The following TNNI3K variants were observed in gnomAD, a reference collection of about 807,000 sequenced individuals.
The protein encoded by TNNI3K is TNNI3 interacting kinase.
In TNNI3K, 140 loss-of-function variants were observed where a neutral mutation model predicts 114.5. That is an observed-to-expected ratio of 1.22 (90% CI 1.07 to 1.41). The LOEUF (loss-of-function observed/expected upper bound fraction) is 1.41. Among genes scored for constraint, TNNI3K ranks in the 40% most tolerant of loss-of-function variants. The pLI, the probability that TNNI3K is intolerant of heterozygous loss-of-function variation, is 0.00. For missense variants in TNNI3K, 1,125 were observed against 1,007.6 expected (o/e 1.12, Z -1.58); for synonymous variants, 347 against 347.5 (o/e 1.00, Z 0.02).
chr1:74,534,591 C>T (rs905220345), intron 23 of TNNI3K, among the ~76,000 whole-genome samples: 3 of 152,204 alleles, frequency 2.0e-5, no homozygotes, highest in Non-Finnish European at 4.4e-5. Flanking sequence ...GCACCAGAAT[C>T]TCCCAGTCTC....
At chr1:74,323,046 G>C (rs1380956307) in intron 5 of TNNI3K, among the ~76,000 whole-genome samples, 1 of 152,024 alleles carries the variant, frequency 6.6e-6, no homozygotes, top group Non-Finnish European at 1.5e-5. Context: ...TAATATATAA[G>C]ACTCTGCAAG....
chr1:74,527,823 T>C lies in TNNI3K; in HGVS notation c.2352-12411T>C, dbSNP rs78838052. 2.2e-4 allele frequency among the ~76,000 whole-genome samples: 34 copies of C among 152,304 alleles called. No homozygotes were observed. In the East Asian group the frequency reaches 5.6e-3, roughly 25 times the overall value. ...TTGGACAGGGCTGAGTAAGGTGGAC[T>C]TCCCCAATGGATATGGAGCAGAATG... On this transcript the variant is annotated intron_variant, in intron 23 of 24. Coordinates refer to ENST00000326637, the MANE Select transcript of TNNI3K (RefSeq NM_015978.3).
intron 21 of TNNI3K, among the ~76,000 whole-genome samples, chr1:74,488,602 T>C (rs888990967): frequency 3.3e-5 from 5 of 152,212 alleles, no homozygotes; most frequent in African/African-American, 1.2e-4. Context: ...GCTTGAAATA[T>C]ATTTGGAATA....
intron 23 of TNNI3K, among the ~76,000 whole-genome samples, chr1:74,495,873 G>C (rs1166891715): frequency 6.6e-6 from 1 of 152,162 alleles, no homozygotes; most frequent in African/African-American, 2.4e-5. Flanking sequence ...TCCCAAGCCT[G>C]CCTTTTCAGC....
chr1:74,297,522 C>CAT (rs1553128510), intron 5 of TNNI3K, among the ~76,000 whole-genome samples: 6,282 of 145,446 alleles, frequency 0.043, 152 homozygotes, highest in Non-Finnish European at 0.056. Flanking sequence ...TGTGTGTGTG[C>CAT]GTGTGTGTGT....
intron 21 of TNNI3K, among the ~76,000 whole-genome samples, chr1:74,479,902 A>G (rs1042780294): frequency 4.6e-5 from 7 of 152,252 alleles, no homozygotes; most frequent in South Asian, 2.1e-4. Flanking sequence ...AAGGTCACCA[A>G]TGCTATTTAT....
intron 20 of TNNI3K, among the ~76,000 whole-genome samples, chr1:74,458,881 T>C (rs1436886900): frequency 6.6e-6 from 1 of 152,174 alleles, no homozygotes; most frequent in African/African-American, 2.4e-5. Flanking sequence ...TAGTACCCAA[T>C]AGGTAGTTTT....
At chr1:74,345,835 G>A (rs1337250323) in intron 9 of TNNI3K, 1 of 152,168 alleles carries the variant, frequency 6.6e-6, no homozygotes, top group African/African-American at 2.4e-5. Context: ...TCATTACTAG[G>A]CATGCTAATT....
chr1:74,278,396 T>C (rs1402578255), intron 5 of TNNI3K, among the ~76,000 whole-genome samples: 2 of 152,170 alleles, frequency 1.3e-5, no homozygotes, highest in Non-Finnish European at 2.9e-5. Flanking sequence ...AACAGTAACC[T>C]CTCAGCTCAC....
rs901877792 is a variant in TNNI3K at position 74,477,169 on chromosome 1, A to G, written c.2122-12020A>G. 2.6e-5 allele frequency among the ~76,000 whole-genome samples: 4 copies of G among 152,182 alleles called. No homozygotes were observed. The East Asian group carries it at 7.7e-4, about 29-fold the overall frequency. On this transcript the variant is annotated intron_variant, in intron 21 of 24. Transcript: ENST00000326637. ...TTTTGGTTTTAAAATGTTAAAGAATATATTAAAAAATTAAAAATTAGAACC... is the reference window on the plus strand; with the variant it reads ...TTTTGGTTTTAAAATGTTAAAGAATGTATTAAAAAATTAAAAATTAGAACC...
chr1:74,244,461 AT>A (rs1654433851), intron 2 of TNNI3K, among the ~76,000 whole-genome samples: 1 of 151,982 alleles, frequency 6.6e-6, no homozygotes, highest in African/African-American at 2.4e-5. Flanking sequence ...TTTGCTTTCA[AT>A]TTTATTTATG....
In TNNI3K at chr1:74,381,309, T is replaced by C. The variant is rs115125626; in HGVS notation, c.1772+10917T>C. ...GTCCTTGGTCAATTTATTTAACATA[T>C]CAGTTTTCTAATTTCCAAGACGGTT... On this transcript the variant is annotated intron_variant, in intron 17 of 24. Coordinates refer to ENST00000326637, the MANE Select transcript of TNNI3K (RefSeq NM_015978.3). 7.5e-3 allele frequency among the ~76,000 whole-genome samples: 1,145 copies of C among 152,296 alleles called. 11 individuals are homozygous for C. Among genetic ancestry groups the C allele is most frequent in the African/African-American group, 0.026 (1,075 of 41,570 alleles).
intron 10 of TNNI3K, 46 bp downstream of exon 10, chr1:74,353,406 G>A (rs1443782204): frequency 6.2e-7 from 1 of 1,602,356 alleles, no homozygotes; most frequent in Admixed American, 1.7e-5. Context: ...GCTTATCAAT[G>A]ATTAAGAATA....
At chr1:74,335,859 C>A in intron 6 of TNNI3K, 152 bp from the exon 7 acceptor site, 1 of 732,478 alleles carries the variant, frequency 1.4e-6, no homozygotes, top group Non-Finnish European at 2.1e-6. Flanking sequence ...TTGTATTAAT[C>A]AACCCTAGAA....
intron 23 of TNNI3K, among the ~76,000 whole-genome samples, chr1:74,497,566 A>G (rs1000526727): frequency 2.7e-5 from 4 of 148,582 alleles, no homozygotes; most frequent in Non-Finnish European, 4.5e-5. Context: ...ACATACATGC[A>G]CACACACACA....
At chr1:74,451,483 C>G (rs761558926) in intron 20 of TNNI3K, among the ~76,000 whole-genome samples, 13 of 151,762 alleles carry the variant, frequency 8.6e-5, no homozygotes, top group Non-Finnish European at 1.6e-4. Flanking sequence ...ATCTAGTACC[C>G]CACAAACTTA....
At chr1:74,278,811 C>T (rs1047975266) in intron 5 of TNNI3K, among the ~76,000 whole-genome samples, 1 of 152,154 alleles carries the variant, frequency 6.6e-6, no homozygotes, top group African/African-American at 2.4e-5. Context: ...TCCATCCCTA[C>T]AGATTGGCTA....
chr1:74,474,579 A>G (rs749998412), intron 21 of TNNI3K, among the ~76,000 whole-genome samples: 2 of 152,184 alleles, frequency 1.3e-5, no homozygotes, highest in South Asian at 4.1e-4. Context: ...AAATGACAGG[A>G]ACCTCTTTAC....
At chr1:74,453,254 C>T (rs1004824358) in intron 20 of TNNI3K, among the ~76,000 whole-genome samples, 1 of 151,984 alleles carries the variant, frequency 6.6e-6, no homozygotes, top group African/African-American at 2.4e-5. Context: ...TTCCAATATC[C>T]CAGATATTAA....
Sources: allele counts gnomAD v4.1 joint callset (sites outside exome capture counted in the v4.1 genomes callset), GRCh38; gene constraint gnomAD v4.1.1; transcripts MANE v1.5; gene names NCBI Gene and HGNC (gene_info 2026-07-23, HGNC 2026-07-21).